RBM43: variants seen among roughly 807,000 people sequenced by gnomAD.
RBM43 encodes RNA binding motif protein 43, also known as RNA-binding protein 43.
RBM43 carries 12 observed loss-of-function variants against 12.4 expected under a neutral mutation model. That is an observed-to-expected ratio of 0.97 (90% CI 0.62 to 1.57). RBM43 has a LOEUF of 1.57. Among genes scored for constraint, RBM43 ranks in the 40% most tolerant of loss-of-function variants. RBM43 has a pLI of 0.00. For synonymous variants in RBM43, 138 were observed against 145.7 expected, an observed-to-expected ratio of 0.95 and a Z score of 0.38; for missense variants, 348 against 400.1, an observed-to-expected ratio of 0.87 and a Z score of 1.11.
intron 1 of RBM43, chr2:151,261,238 C>G (rs1313030755): frequency 7.8e-6 from 12 of 1,541,226 alleles, no homozygotes; most frequent in Non-Finnish European, 1.1e-5. Context: ...GTCTTCCTGA[C>G]TTGCGTCCTT....
At chr2:151,261,510 C>CT (rs776811386) in intron 1 of RBM43, 1 of 1,549,736 alleles carries the variant, frequency 6.5e-7, no homozygotes, top group Non-Finnish European at 8.7e-7. Context: ...ATGCCGCCAC[C>CT]TGGGAAGGGT....
intron 1 of RBM43, among the ~76,000 whole-genome samples, chr2:151,258,628 G>A (rs1339595538): frequency 6.6e-6 from 1 of 152,060 alleles, no homozygotes; most frequent in Non-Finnish European, 1.5e-5. Context: ...TTGAGCACAG[G>A]AGATCGAGGC....
Position 151,251,024 on chromosome 2 carries a change from C to T in RBM43, c.956G>A (p.Arg319Lys). 1.2e-6 allele frequency: 2 copies of T among 1,614,032 alleles called. No homozygotes were observed. Among genetic ancestry groups the T allele is most frequent in the Non-Finnish European group, 1.7e-6 (2 of 1,179,922 alleles). ...AAGGTTAATCAGGACTTCAAGGTAT[C>T]TCGAACTTAATTGTTCACATGCCCT... is the stretch of plus-strand genomic sequence containing the variant. ...IKRACEQLSS[R>K]YLEVLINLYR... The change falls in exon 4 of 4, where the codon AGA (arginine) becomes AAA (lysine). Residue 319 changes from arginine to lysine, a missense_variant. Arg to Lys is a conservative substitution (Grantham distance 26). Coordinates refer to ENST00000331426, the MANE Select transcript of RBM43 (RefSeq NM_198557.3).
intron 1 of RBM43, among the ~76,000 whole-genome samples, chr2:151,255,972 TC>T (rs563020390): frequency 6.6e-6 from 1 of 152,212 alleles, no homozygotes; most frequent in African/African-American, 2.4e-5. Context: ...CTTCTTTTTT[TC>T]TTTTTTGAGA....
At chr2:151,252,587 C>T (rs777250507) in intron 3 of RBM43, among the ~76,000 whole-genome samples, 168 bp downstream of exon 3, 1 of 152,078 alleles carries the variant, frequency 6.6e-6, no homozygotes, top group Non-Finnish European at 1.5e-5. Context: ...GAGGTGATAA[C>T]CAAAATTTCA....
intron 1 of RBM43, among the ~76,000 whole-genome samples, chr2:151,259,805 A>G (rs1169032375): frequency 6.6e-6 from 1 of 152,186 alleles, no homozygotes; most frequent in Non-Finnish European, 1.5e-5. Flanking sequence ...GAGAAATAGA[A>G]GATTCACTCA....
Position 151,250,616 on chromosome 2 carries a change from A to AT in RBM43, c.*289_*290insA. ...TCCATCTCAAAAAAAAAAAAAAAAA[A>AT]GTTTGGTGAGTTTTTTTCAAAGTTT... On this transcript the variant is annotated 3_prime_UTR_variant, in exon 4 of 4. Transcript: ENST00000331426. 4.6e-6 allele frequency: 1 copy of AT among 219,776 alleles called. No homozygotes were observed. Among genetic ancestry groups the AT allele is most frequent in the Non-Finnish European group, 8.8e-6 (1 of 113,586 alleles). 13.6% of individuals were successfully genotyped at this position (219,776 alleles called of 1,614,324 possible). A position where few individuals can be genotyped will look rare whatever the true frequency, so the allele number is the denominator to read the frequency against.
intron 1 of RBM43, among the ~76,000 whole-genome samples, chr2:151,260,279 T>A (rs1370692120): frequency 6.6e-6 from 1 of 151,842 alleles, no homozygotes; most frequent in Admixed American, 6.6e-5. Context: ...GTGGATGCCA[T>A]CACGCCCAGC....
intron 1 of RBM43, among the ~76,000 whole-genome samples, chr2:151,257,886 A>G (rs1269807492): frequency 6.6e-6 from 1 of 152,046 alleles, no homozygotes; most frequent in African/African-American, 2.4e-5. Flanking sequence ...CCTGGCCAAC[A>G]TGGTGAAATG....
chr2:151,260,958 G>C, intron 1 of RBM43: 1 of 333,988 alleles, frequency 3.0e-6, no homozygotes. Flanking sequence ...AAGGCATTGG[G>C]AAGAAACAGA....
Position 151,255,601 on chromosome 2 carries a change from T to C in RBM43, c.146A>G (p.Asp49Gly), listed in dbSNP as rs1279790396. 6 of 1,614,010 alleles carry C rather than the reference T, an allele frequency of 3.7e-6. No homozygotes were observed. Among genetic ancestry groups the C allele is most frequent in the South Asian group, 1.1e-5 (1 of 91,076 alleles). Residue 49 changes from aspartate (D) to glycine (G), a missense_variant, in exon 2 of 4, where the codon GAT (aspartate) becomes GGT (glycine). Transcript: ENST00000331426. ...TGTCGGATATATCACATCTTCAACA[T>C]CTCCGCCCTCATTCTTAATGTCTTG... ...HFQDIKNEGG[D>G]VEDVIYPTRT...
At chr2:151,261,561 C>T in intron 1 of RBM43, 164 bp downstream of exon 1, 1 of 1,542,332 alleles carries the variant, frequency 6.5e-7, no homozygotes, top group Non-Finnish European at 8.8e-7. Context: ...GGGTGGACGG[C>T]TCTCCGGGGC....
In RBM43 at chr2:151,252,835, G is replaced by T; in HGVS notation, c.235C>A (p.Gln79Lys). 1.2e-6 allele frequency: 2 copies of T among 1,604,272 alleles called. No homozygotes were observed. Among genetic ancestry groups the T allele is most frequent in the Non-Finnish European group, 1.7e-6 (2 of 1,171,836 alleles). The part of the protein sequence containing the change: ...EKKVAENVIR[Q>K]KKHWLARKTR... ...TTCCTTGCTAGCCAGTGTTTCTTTT[G>T]TCTGATGACATTCTCTGCAACTAAG... Residue 79 changes from glutamine to lysine, a missense_variant, in exon 3 of 4, where the codon CAA becomes AAA. Transcript: ENST00000331426.
chr2:151,261,669 T>C (rs369180429), intron 1 of RBM43, 56 bp downstream of exon 1: 6 of 1,574,994 alleles, frequency 3.8e-6, no homozygotes, highest in African/African-American at 2.7e-5. Flanking sequence ...TAGGGGACCA[T>C]GGCGACGGTA....
rs140452943 is a variant in RBM43, at chr2:151,257,420, G to A, written c.4-1677C>T. Reference sequence around the variant, plus strand: ...CAATTTTAAAAAGAAGGCCAGGCACGGTGGCTCACACCTGTAATCCTAGCA... The same window carrying A: ...CAATTTTAAAAAGAAGGCCAGGCACAGTGGCTCACACCTGTAATCCTAGCA... On this transcript the variant is annotated intron_variant, in intron 1 of 3. Transcript: ENST00000331426. 1.4e-3 allele frequency among the ~76,000 whole-genome samples: 206 copies of A among 152,216 alleles called. 1 individual carries two copies. The highest frequency in any genetic ancestry group is 4.6e-3 in the African/African-American group (189 of 41,534).
chr2:151,248,644 G>C lies in RBM43; in HGVS notation c.*2262C>G, dbSNP rs1338474708. The C allele has an allele frequency of 6.6e-6, 1 of 151,658 alleles. No individual in the cohort carries two copies. The highest frequency in any genetic ancestry group is 1.5e-5 in the Non-Finnish European group (1 of 67,910). 9.4% of individuals were successfully genotyped at this position (151,658 alleles called of 1,614,324 possible). A position where few individuals can be genotyped will look rare whatever the true frequency, so the allele number is the denominator to read the frequency against. On this transcript the variant is annotated 3_prime_UTR_variant, in exon 4 of 4. Coordinates refer to ENST00000331426, the MANE Select transcript of RBM43 (RefSeq NM_198557.3). ...ATGATTTTATAGCCTCCATCTTTTA[G>C]TTCAGTTTTAAGAAAAACAGACTAA...
In RBM43 at chr2:151,261,407, C is replaced by T. The variant is rs1248283386; in HGVS notation, c.3+318G>A. Reference sequence around the variant, plus strand: ...TCGACGAACGGCGGCGTCCCCGTCGCCTGGGCAGTGGGTGTGGGAGGTGAC... The same window carrying T: ...TCGACGAACGGCGGCGTCCCCGTCGTCTGGGCAGTGGGTGTGGGAGGTGAC... On this transcript the variant is annotated intron_variant, in intron 1 of 3. Transcript: ENST00000331426. 7.1e-6 allele frequency: 11 copies of T among 1,550,514 alleles called. No homozygotes were observed. The East Asian group carries it at 1.5e-4, about 21-fold the overall frequency.
At chr2:151,256,665 A>G (rs1261333577) in intron 1 of RBM43, among the ~76,000 whole-genome samples, 3 of 152,180 alleles carry the variant, frequency 2.0e-5, no homozygotes, top group Non-Finnish European at 2.9e-5. Context: ...CTAAAAATAC[A>G]AAAAGCAGCT....
Position 151,251,508 on chromosome 2 carries a change from C to T in RBM43, c.472G>A (p.Ala158Thr). The change falls in exon 4 of 4, where the codon GCT becomes ACT. Residue 158 changes from alanine to threonine, a missense_variant. By Grantham distance (58) the Ala-to-Thr change is moderately conservative. Coordinates refer to ENST00000331426, the MANE Select transcript of RBM43 (RefSeq NM_198557.3). ...AAAGATTCTCTGAGCCTCTTGACAG[C>T]CAGAAATGATCCTTCCACGGAGATT... ...GRISVEGSFL[A>T]VKRLRESLLA... 6.2e-7 allele frequency: 1 copy of T among 1,614,142 alleles called. No homozygotes were observed. Among genetic ancestry groups the T allele is most frequent in the Non-Finnish European group, 8.5e-7 (1 of 1,180,016 alleles).
Sources: gnomAD v4.1 joint callset for allele counts (sites outside exome capture counted in the v4.1 genomes callset) on GRCh38, gnomAD v4.1.1 for gene constraint, MANE v1.5 for transcripts, NCBI Gene and HGNC (gene_info 2026-07-23, HGNC 2026-07-21) for gene names.